The following FOCAD variants were observed in gnomAD, a reference collection of about 807,000 sequenced individuals.
FOCAD encodes focadhesin, also known as KIAA1797.
FOCAD carries 198 observed loss-of-function variants against 225.6 expected under a neutral mutation model. The ratio of observed to expected loss-of-function variants is 0.88; its 90% CI spans 0.78 to 0.99. FOCAD has a LOEUF of 0.99. Among genes scored for constraint, FOCAD ranks in the 50% least tolerant of loss-of-function variants. The probability of loss-of-function intolerance (pLI) is 0.00; values close to 1 mark genes in which losing one functional copy is unlikely to be tolerated. For missense variants in FOCAD, 2,713 were observed against 2,123.6 expected (o/e 1.28, Z -5.46); for synonymous variants, 897 against 755.0 (o/e 1.19, Z -3.08).
Position 20,916,949 on chromosome 9 carries a change from T to G in FOCAD, c.2852+12T>G, listed in dbSNP as rs1304343712. On this transcript the variant is annotated intron_variant, in intron 24 of 43. Coordinates refer to ENST00000338382, the MANE Select transcript of FOCAD (RefSeq NM_001375567.1). ...AAGGCAGCTGCAAAGTAAGATCCAT[T>G]TAGTCTTTTATCAAACATTTTTTAT... 1.3e-6 allele frequency: 2 copies of G among 1,594,896 alleles called. No individual in the cohort carries two copies. The highest frequency in any genetic ancestry group is 1.4e-5 in the African/African-American group (1 of 74,064).
At chr9:20,864,810 C>G (rs935579954) in intron 16 of FOCAD, among the ~76,000 whole-genome samples, 1 of 151,972 alleles carries the variant, frequency 6.6e-6, no homozygotes, top group African/African-American at 2.4e-5. Flanking sequence ...TATAGTCAAC[C>G]CTATTTTTGA....
chr9:20,758,706 T>A (rs192804669), intron 6 of FOCAD, among the ~76,000 whole-genome samples: 1,716 of 152,304 alleles, frequency 0.011, 51 homozygotes, highest in East Asian at 0.067. Context: ...CATCATTTTT[T>A]ATGGCTGCAT....
intron 24 of FOCAD, among the ~76,000 whole-genome samples, chr9:20,920,873 T>C (rs1464687105): frequency 6.6e-6 from 1 of 150,586 alleles, no homozygotes; most frequent in Non-Finnish European, 1.5e-5. Flanking sequence ...AAATGACGAG[T>C]TAGTGGGTGC....
chr9:20,814,405 G>A (rs1241845327), intron 11 of FOCAD, among the ~76,000 whole-genome samples: 1 of 151,292 alleles, frequency 6.6e-6, no homozygotes, highest in Non-Finnish European at 1.5e-5. Context: ...GCCCAGGCTG[G>A]AGTATAGTGG....
intron 24 of FOCAD, 134 bp downstream of exon 24, chr9:20,917,071 A>G (rs1166824677): frequency 9.0e-6 from 6 of 665,396 alleles, no homozygotes; most frequent in South Asian, 2.3e-5. Context: ...TTTTTAAAAA[A>G]TTAATCGTTA....
intron 5 of FOCAD, among the ~76,000 whole-genome samples, chr9:20,743,508 GAT>G (rs1827795458): frequency 6.6e-6 from 1 of 152,064 alleles, no homozygotes; most frequent in Non-Finnish European, 1.5e-5. Flanking sequence ...GAAAACAAGA[GAT>G]ATGAGAACCA....
At chr9:20,910,789 A>G (rs1459362101) in intron 22 of FOCAD, among the ~76,000 whole-genome samples, 1 of 152,094 alleles carries the variant, frequency 6.6e-6, no homozygotes, top group Non-Finnish European at 1.5e-5. Flanking sequence ...ATCTGAGTAA[A>G]TAGCCCAACA....
chr9:20,916,499 A>C lies in FOCAD; in HGVS notation c.2808-394A>C, dbSNP rs76042585. Among the ~76,000 whole-genome samples, 3 of 152,320 alleles carry C rather than the reference A, an allele frequency of 2.0e-5. No homozygotes were observed. The East Asian group carries it at 5.8e-4, about 29-fold the overall frequency. On this transcript the variant is annotated intron_variant, in intron 23 of 43. Coordinates refer to ENST00000338382, the MANE Select transcript of FOCAD (RefSeq NM_001375567.1). ...ACTGTCTTAGTCAGTTTGGGCTTCTAAATGCCACCACATTGGGGATTAGGA... is the reference window on the plus strand; with the variant it reads ...ACTGTCTTAGTCAGTTTGGGCTTCTCAATGCCACCACATTGGGGATTAGGA...
Position 20,995,627 on chromosome 9 carries a change from T to C in FOCAD, c.5404T>C (p.Ter1802ArgextTer5). The change falls in exon 44 of 44, where the codon TGA becomes CGA. Residue 1802 changes from the stop codon to arginine (R), a stop_lost. Coordinates refer to ENST00000338382, the MANE Select transcript of FOCAD (RefSeq NM_001375567.1). ...KAVWTRAYGW[*>R] ...TGTATGGACCAGAGCATATGGTTGG[T>C]GAACAGTTTTGCAGTAACCAGCAGC... The C allele has an allele frequency of 6.2e-7, 1 of 1,612,188 alleles. No individual in the cohort carries two copies. Among genetic ancestry groups the C allele is most frequent in the Non-Finnish European group, 8.5e-7 (1 of 1,178,436 alleles).
intron 2 of FOCAD, among the ~76,000 whole-genome samples, chr9:20,678,273 G>A (rs1331037969): frequency 2.0e-5 from 3 of 152,108 alleles, no homozygotes; most frequent in Non-Finnish European, 2.9e-5. Context: ...AAGAAAAGTG[G>A]TTGTAGTTAT....
At chr9:20,663,494 CA>C (rs1821797863) in intron 2 of FOCAD, among the ~76,000 whole-genome samples, 7 of 151,894 alleles carry the variant, frequency 4.6e-5, no homozygotes, top group South Asian at 2.1e-4. Flanking sequence ...CACACACACA[CA>C]CACACACACA....
intron 29 of FOCAD, among the ~76,000 whole-genome samples, 186 bp downstream of exon 29, chr9:20,944,960 T>G (rs922545001): frequency 2.0e-5 from 3 of 152,218 alleles, no homozygotes; most frequent in Non-Finnish European, 4.4e-5. Context: ...TTAAATCAAC[T>G]TAAACCTAAA....
In FOCAD at chr9:20,989,276, A is replaced by G. The variant is rs1841451008; in HGVS notation, c.5004+847A>G. 2.0e-5 allele frequency among the ~76,000 whole-genome samples: 3 copies of G among 152,312 alleles called. No homozygotes were observed. In the South Asian group the frequency reaches 6.2e-4, roughly 32 times the overall value. ...AGTTTAGGAATTTTAAGAGATTAGG[A>G]AGTACTTTTTAAACTTTTTTTGAAC... On this transcript the variant is annotated intron_variant, in intron 41 of 43. Coordinates refer to ENST00000338382, the MANE Select transcript of FOCAD (RefSeq NM_001375567.1).
At chr9:20,785,904 C>T (rs1290956735) in intron 10 of FOCAD, among the ~76,000 whole-genome samples, 1 of 152,140 alleles carries the variant, frequency 6.6e-6, no homozygotes, top group African/African-American at 2.4e-5. Flanking sequence ...TTCTCCCTGT[C>T]CTCGACAATT....
intron 19 of FOCAD, among the ~76,000 whole-genome samples, chr9:20,876,693 A>C (rs1175863364): frequency 6.6e-6 from 1 of 152,200 alleles, no homozygotes; most frequent in Non-Finnish European, 1.5e-5. Context: ...TTATTAGAGA[A>C]GTATAAAAAG....
chr9:20,917,087 C>A, intron 24 of FOCAD, 150 bp downstream of exon 24: 1 of 609,268 alleles, frequency 1.6e-6, no homozygotes, highest in Non-Finnish European at 2.8e-6. Context: ...CGTTACCCTT[C>A]TTATAGTAGG....
intron 11 of FOCAD, among the ~76,000 whole-genome samples, chr9:20,790,675 G>A (rs1264081093): frequency 1.3e-5 from 2 of 152,132 alleles, no homozygotes; most frequent in African/African-American, 4.8e-5. Flanking sequence ...GGAGGCTGAG[G>A]CAAGAGAATT....
intron 1 of FOCAD, among the ~76,000 whole-genome samples, chr9:20,704,477 A>T (rs1319432130): frequency 6.6e-6 from 1 of 152,188 alleles, no homozygotes; most frequent in Admixed American, 6.5e-5. Flanking sequence ...ATAAACTTGT[A>T]ATCAGTCTAT....
chr9:20,796,022 T>G (rs1298760216), intron 11 of FOCAD, among the ~76,000 whole-genome samples: 2 of 150,140 alleles, frequency 1.3e-5, no homozygotes, highest in Non-Finnish European at 3.0e-5. Context: ...TGTCCATGTG[T>G]TCTCATTGTT....
Sources: allele counts gnomAD v4.1 joint callset (sites outside exome capture counted in the v4.1 genomes callset), GRCh38; gene constraint gnomAD v4.1.1; transcripts MANE v1.5; gene names NCBI Gene and HGNC (gene_info 2026-07-23, HGNC 2026-07-21).